PCDHGB6: variants seen among roughly 807,000 people sequenced by gnomAD.
PCDHGB6 encodes protocadherin gamma-B6.
In PCDHGB6, 51 loss-of-function variants were observed where a neutral mutation model predicts 59.1. The ratio of observed to expected loss-of-function variants is 0.86; its 90% CI spans 0.69 to 1.09. The LOEUF is 1.09. Among genes scored for constraint, PCDHGB6 ranks in the 50% least tolerant of loss-of-function variants. The pLI, the probability that PCDHGB6 is intolerant of heterozygous loss-of-function variation, is 0.00. For synonymous variants in PCDHGB6, 466 were observed against 495.1 expected (o/e 0.94, Z 0.78); for missense variants, 1,148 against 1,205.1 (o/e 0.95, Z 0.70).
chr5:141,486,089 G>T lies in PCDHGB6; in HGVS notation c.2419-8718G>T, dbSNP rs2099624123. On this transcript the variant is annotated intron_variant, in intron 1 of 3. Coordinates refer to ENST00000520790, the MANE Select transcript of PCDHGB6 (RefSeq NM_018926.3). The surrounding 1 kb of genome is among the most constrained non-coding windows in gnomAD (Gnocchi z 5.0). ...CACTACTGGAAAGCTTACTCTTTTG[G>T]GGCCCCTAGACTTTGAGAGTGAGAA... is the stretch of plus-strand genomic sequence containing the variant. 1 of 1,614,084 alleles carries T rather than the reference G, an allele frequency of 6.2e-7. No individual in the cohort carries two copies. The highest frequency in any genetic ancestry group is 8.5e-7 in the Non-Finnish European group (1 of 1,180,014).
chr5:141,476,091 G>A lies in PCDHGB6; in HGVS notation c.2419-18716G>A. The A allele has an allele frequency of 2.6e-6, 4 of 1,563,192 alleles. No individual in the cohort carries two copies. The highest frequency in any genetic ancestry group is 3.5e-6 in the Non-Finnish European group (4 of 1,159,278). On this transcript the variant is annotated intron_variant, in intron 1 of 3. Transcript: ENST00000520790. The surrounding 1 kb of genome is among the most constrained non-coding windows in gnomAD (Gnocchi z 7.6). ...AAATCTCAGGGACGATCTGGACCCCGCTGAGAGGAACTGCTTTTGAGTGAG... is the reference window on the plus strand; with the variant it reads ...AAATCTCAGGGACGATCTGGACCCCACTGAGAGGAACTGCTTTTGAGTGAG...
At chr5:141,449,876 C>T (rs924666805) in intron 1 of PCDHGB6, among the ~76,000 whole-genome samples, 1 of 151,724 alleles carries the variant, frequency 6.6e-6, no homozygotes, top group African/African-American at 2.4e-5. Context: ...AATTTAACAT[C>T]AATGCAATAT....
chr5:141,492,846 A>G (rs1404624093), intron 1 of PCDHGB6, among the ~76,000 whole-genome samples: 1 of 152,184 alleles, frequency 6.6e-6, no homozygotes, highest in African/African-American at 2.4e-5. Flanking sequence ...AGGAAGTGAA[A>G]GCCTCGAGCG....
chr5:141,426,375 G>A, intron 1 of PCDHGB6: 2 of 216,424 alleles, frequency 9.2e-6, no homozygotes, highest in South Asian at 7.8e-5. Flanking sequence ...GGGCACCCTC[G>A]GAGCAGATCC....
chr5:141,435,593 G>T (rs183768133), intron 1 of PCDHGB6, among the ~76,000 whole-genome samples: 1 of 152,112 alleles, frequency 6.6e-6, no homozygotes, highest in East Asian at 1.9e-4. Flanking sequence ...CAGTAATATC[G>T]CCTGCTTTTT....
intron 1 of PCDHGB6, chr5:141,415,752 T>C: frequency 7.3e-7 from 1 of 1,372,622 alleles, no homozygotes; most frequent in Non-Finnish European, 9.4e-7. Flanking sequence ...TTTTTTTTTT[T>C]TTTTTTTTTT....
chr5:141,450,733 C>T (rs886761152), intron 1 of PCDHGB6, among the ~76,000 whole-genome samples: 24 of 152,198 alleles, frequency 1.6e-4, no homozygotes, highest in African/African-American at 5.3e-4. Context: ...GTGATCCGCC[C>T]GCCTTGGCCT....
At chr5:141,465,152 G>C (rs1028596804) in intron 1 of PCDHGB6, among the ~76,000 whole-genome samples, 1 of 151,422 alleles carries the variant, frequency 6.6e-6, no homozygotes, top group African/African-American at 2.4e-5. Flanking sequence ...TATATGAAGG[G>C]ACTCTAAATG....
At chr5:141,420,392 G>A (rs1480059498) in intron 1 of PCDHGB6, 2 of 1,268,940 alleles carry the variant, frequency 1.6e-6, no homozygotes, top group East Asian at 5.5e-5. Context: ...CAAAATATAG[G>A]TCAAATTTAT....
chr5:141,438,806 C>T (rs866521707), intron 1 of PCDHGB6, among the ~76,000 whole-genome samples: 20 of 149,390 alleles, frequency 1.3e-4, no homozygotes, highest in Admixed American at 6.7e-4. Flanking sequence ...GGATTACAGG[C>T]GCCTGTCACC....
At position 141,511,520 on chromosome 5, in the gene PCDHGB6, A is replaced by C; in HGVS notation, c.*347A>C. On this transcript the variant is annotated 3_prime_UTR_variant, in exon 4 of 4. Coordinates refer to ENST00000520790, the MANE Select transcript of PCDHGB6 (RefSeq NM_018926.3). Reference sequence around the variant, plus strand: ...CAAATCAATCAGGCCCATCCATCCCATGCCTCCCTCCTCCCCACCCCACTC... The same window carrying C: ...CAAATCAATCAGGCCCATCCATCCCCTGCCTCCCTCCTCCCCACCCCACTC... The C allele has an allele frequency of 2.8e-6, 1 of 358,498 alleles. No homozygotes were observed. Among genetic ancestry groups the C allele is most frequent in the Non-Finnish European group, 5.3e-6 (1 of 189,848 alleles). 22.2% of individuals were successfully genotyped at this position (358,498 alleles called of 1,614,324 possible).
At chr5:141,422,849 C>T in intron 1 of PCDHGB6, 1 of 1,614,238 alleles carries the variant, frequency 6.2e-7, no homozygotes, top group Non-Finnish European at 8.5e-7. Context: ...AGCGGGGACC[C>T]GCCCCTCAGC....
chr5:141,409,624 G>A lies in PCDHGB6; in HGVS notation c.1422G>A (p.Val474=), dbSNP rs747166507. The A allele has an allele frequency of 2.5e-6, 4 of 1,613,846 alleles. No individual in the cohort carries two copies. The highest frequency in any genetic ancestry group is 3.4e-6 in the Non-Finnish European group (4 of 1,179,886). The change falls in exon 1 of 4, where the codon GTG becomes GTA. Residue 474 remains valine, a synonymous_variant. Coordinates refer to ENST00000520790, the MANE Select transcript of PCDHGB6 (RefSeq NM_018926.3). ...NNPPGASIAQ[V]SASDPDLGLN... is the part of the protein sequence containing the mutation. Reference sequence around the variant, plus strand: ...CGCCAGGAGCCTCCATTGCGCAAGTGAGCGCCTCTGACCCGGATTTGGGGC... The same window carrying A: ...CGCCAGGAGCCTCCATTGCGCAAGTAAGCGCCTCTGACCCGGATTTGGGGC...
chr5:141,507,296 C>T (rs1020117646), intron 3 of PCDHGB6: 1 of 141,360 alleles, frequency 7.1e-6, no homozygotes, highest in Non-Finnish European at 1.5e-5. Flanking sequence ...TCAAATGTTG[C>T]ATGAGACATA....
At chr5:141,439,631 A>G (rs1459977985) in intron 1 of PCDHGB6, among the ~76,000 whole-genome samples, 2 of 152,214 alleles carry the variant, frequency 1.3e-5, no homozygotes, top group African/African-American at 2.4e-5. Context: ...ATCCCCAGAC[A>G]TTCCGGCTTG....
intron 1 of PCDHGB6, chr5:141,418,165 T>G (rs1296752918): frequency 6.2e-7 from 1 of 1,614,034 alleles, no homozygotes. Flanking sequence ...GAAGAAGATG[T>G]GAGTTGCAAT....
chr5:141,410,847 G>GTATTTT, intron 1 of PCDHGB6: 1 of 158,250 alleles, frequency 6.3e-6, no homozygotes, highest in Non-Finnish European at 1.0e-5. Flanking sequence ...TTTTGTCTTT[G>GTATTTT]TCTTTTTTTT....
chr5:141,485,070 G>A lies in PCDHGB6; in HGVS notation c.2419-9737G>A. On this transcript the variant is annotated intron_variant, in intron 1 of 3. Coordinates refer to ENST00000520790, the MANE Select transcript of PCDHGB6 (RefSeq NM_018926.3). The surrounding 1 kb of genome is among the most constrained non-coding windows in gnomAD (Gnocchi z 5.7). ...CGCCGGCCGAACCGCGCCAGAGCTG[G>A]CGCGGGGAAAGGGAGATAGGTGTCT... is the stretch of plus-strand genomic sequence containing the variant. The A allele has an allele frequency of 1.1e-6, 1 of 908,406 alleles. No individual in the cohort carries two copies. Among genetic ancestry groups the A allele is most frequent in the Non-Finnish European group, 1.7e-6 (1 of 580,008 alleles). 56.3% of individuals were successfully genotyped at this position (908,406 alleles called of 1,614,324 possible). A position where few individuals can be genotyped will look rare whatever the true frequency, so the allele number is the denominator to read the frequency against.
chr5:141,490,033 A>C lies in PCDHGB6; in HGVS notation c.2419-4774A>C, dbSNP rs200482631. The C allele has an allele frequency of 4.0e-5, 65 of 1,614,116 alleles. No homozygotes were observed. Among genetic ancestry groups the C allele is most frequent in the Non-Finnish European group, 4.1e-5 (48 of 1,180,040 alleles). On this transcript the variant is annotated intron_variant, in intron 1 of 3. Transcript: ENST00000520790. This position sits in a 1 kb window ranked among gnomAD's most constrained non-coding sequence, Gnocchi z 5.4. ...CATTGGTACTCTGCTGCTCCGCCTC[A>C]ATGCCACTGATCCAGACGAGGGCAC...
Sources: allele counts gnomAD v4.1 joint callset (sites outside exome capture counted in the v4.1 genomes callset), GRCh38; gene constraint gnomAD v4.1.1; non-coding constraint Gnocchi (gnomAD v3.1); transcripts MANE v1.5; gene names NCBI Gene and HGNC (gene_info 2026-07-23, HGNC 2026-07-21).